Variants in STK39 observed in about 807,000 individuals in gnomAD.
STK39 encodes STE20/SPS1-related proline-alanine-rich protein kinase.
In STK39, 20 loss-of-function variants were observed where a neutral mutation model predicts 77.8. That is an observed-to-expected ratio of 0.26 (90% CI 0.18 to 0.37). The LOEUF is 0.37. Among genes scored for constraint, STK39 ranks in the 10% least tolerant of loss-of-function variants. STK39 has a pLI of 1.00. For synonymous variants in STK39, 246 were observed against 234.1 expected, an observed-to-expected ratio of 1.05 and a Z score of -0.47; for missense variants, 479 against 656.5, an observed-to-expected ratio of 0.73 and a Z score of 2.95.
intron 17 of STK39, among the ~76,000 whole-genome samples, chr2:167,960,391 T>A (rs1194956206): frequency 1.3e-5 from 2 of 151,688 alleles, no homozygotes; most frequent in Non-Finnish European, 2.9e-5. Flanking sequence ...CATTTCTTTA[T>A]GAGGCCTCTC....
chr2:168,191,555 T>G (rs921996881), intron 1 of STK39, among the ~76,000 whole-genome samples: 2 of 152,156 alleles, frequency 1.3e-5, no homozygotes, highest in African/African-American at 4.8e-5. Context: ...AAAAGCAGAT[T>G]CTTAACCCTA....
intron 8 of STK39, among the ~76,000 whole-genome samples, chr2:168,130,638 T>C (rs1380176787): frequency 6.6e-6 from 1 of 152,232 alleles, no homozygotes; most frequent in African/African-American, 2.4e-5. Flanking sequence ...TTTATGAATA[T>C]CCTGTTCCTG....
chr2:168,017,400 T>TTG (rs1273736190), intron 14 of STK39, among the ~76,000 whole-genome samples: 1 of 104,642 alleles, frequency 9.6e-6, no homozygotes, highest in Non-Finnish European at 2.2e-5. Flanking sequence ...TTTTTTTTTT[T>TTG]TGAGACAGAG....
intron 8 of STK39, among the ~76,000 whole-genome samples, chr2:168,135,841 A>G (rs1341720880): frequency 3.3e-5 from 5 of 152,234 alleles, no homozygotes; most frequent in Non-Finnish European, 5.9e-5. Flanking sequence ...CACAATAGTG[A>G]GAACAAATTA....
rs576015451 is a variant in STK39 at position 168,236,281 on chromosome 2, C to T, written c.208+10947G>A. Among the ~76,000 whole-genome samples, 106 of 152,262 alleles carry T rather than the reference C, an allele frequency of 7.0e-4. No homozygotes were observed. In the South Asian group the frequency reaches 0.011, roughly 16 times the overall value. On this transcript the variant is annotated intron_variant, in intron 1 of 17. Transcript: ENST00000355999. ...TTGAGAAGTGTCTGTTCATATCCTT[C>T]GCCCACTTTTTGATGGGGTTGTTTT...
chr2:168,244,773 G>A (rs1017895329), intron 1 of STK39, among the ~76,000 whole-genome samples: 30 of 152,324 alleles, frequency 2.0e-4, no homozygotes, highest in Admixed American at 1.7e-3. Flanking sequence ...GGGAAAATAT[G>A]AGATAAACTT....
intron 14 of STK39, among the ~76,000 whole-genome samples, chr2:168,039,662 A>C (rs1685053727): frequency 6.6e-6 from 1 of 152,064 alleles, no homozygotes; most frequent in South Asian, 2.1e-4. Context: ...GGAGGGAGGA[A>C]TGGATTGCAA....
intron 8 of STK39, among the ~76,000 whole-genome samples, chr2:168,133,740 C>G (rs1687760080): frequency 6.6e-6 from 1 of 151,996 alleles, no homozygotes; most frequent in African/African-American, 2.4e-5. Context: ...CACCTGTAAT[C>G]CCAGCTACTC....
At chr2:168,214,569 G>T (rs1003087932) in intron 1 of STK39, among the ~76,000 whole-genome samples, 1 of 152,160 alleles carries the variant, frequency 6.6e-6, no homozygotes, top group African/African-American at 2.4e-5. Flanking sequence ...GTTAAACAAC[G>T]TCGTGAATGT....
intron 16 of STK39, among the ~76,000 whole-genome samples, chr2:167,982,023 C>T (rs896717834): frequency 6.6e-6 from 1 of 152,110 alleles, no homozygotes; most frequent in Non-Finnish European, 1.5e-5. Flanking sequence ...GAGCTGAGAC[C>T]CACTAGGCAG....
chr2:168,036,022 G>A (rs908720809), intron 14 of STK39, among the ~76,000 whole-genome samples: 9 of 152,124 alleles, frequency 5.9e-5, no homozygotes, highest in South Asian at 2.1e-4. Context: ...ATAACACAGC[G>A]AATACGTGAG....
intron 16 of STK39, among the ~76,000 whole-genome samples, chr2:167,975,996 C>T (rs1683267384): frequency 6.6e-6 from 1 of 152,132 alleles, no homozygotes. Context: ...ACTCTATCTG[C>T]CAAATTCTGC....
chr2:168,011,895 C>A (rs1013890045), intron 16 of STK39, among the ~76,000 whole-genome samples: 2 of 152,108 alleles, frequency 1.3e-5, no homozygotes, highest in Non-Finnish European at 2.9e-5. Flanking sequence ...AAGTTCCCAT[C>A]CAAACCTGAG....
intron 15 of STK39, among the ~76,000 whole-genome samples, chr2:168,015,789 C>T (rs962869759): frequency 1.3e-5 from 2 of 152,112 alleles, no homozygotes; most frequent in African/African-American, 4.8e-5. Flanking sequence ...ATGGCCTGGT[C>T]AATATTTTTA....
At position 168,160,684 on chromosome 2, in the gene STK39, G is replaced by A. The variant is rs140603693; in HGVS notation, c.628+1103C>T. ...GTACAGCTACTAAGTGGTGGCCTCA[G>A]AATTTCGATCAAGTCAGCTGACACC... On this transcript the variant is annotated intron_variant, in intron 5 of 17. Transcript: ENST00000355999. Among the ~76,000 whole-genome samples, 910 of 152,270 alleles carry A rather than the reference G, an allele frequency of 6.0e-3. 7 individuals are homozygous for A. The highest frequency in any genetic ancestry group is 0.02 in the African/African-American group (835 of 41,564).
chr2:168,207,704 T>A (rs1328617028), intron 1 of STK39, among the ~76,000 whole-genome samples: 1 of 152,242 alleles, frequency 6.6e-6, no homozygotes, highest in African/African-American at 2.4e-5. Flanking sequence ...ATGATGCTAA[T>A]GGTTAACTAA....
At chr2:167,965,392 G>A (rs955405690) in intron 16 of STK39, among the ~76,000 whole-genome samples, 1 of 152,190 alleles carries the variant, frequency 6.6e-6, no homozygotes, top group Non-Finnish European at 1.5e-5. Flanking sequence ...TTGGAGCTCA[G>A]TGCTGCAGAT....
chr2:168,242,560 A>AATATATATATATAT (rs59941306), intron 1 of STK39, among the ~76,000 whole-genome samples: 2 of 44,856 alleles, frequency 4.5e-5, no homozygotes, highest in East Asian at 5.2e-4. Context: ...AAAAAAAAAA[A>AATATATATATATAT]ATATATATAT....
At chr2:168,118,845 C>T (rs534419120) in intron 10 of STK39, among the ~76,000 whole-genome samples, 1 of 152,156 alleles carries the variant, frequency 6.6e-6, no homozygotes, top group African/African-American at 2.4e-5. Context: ...TCTAATAGCA[C>T]CCCCTAGTGA....
Sources: gnomAD v4.1 joint callset for allele counts (sites outside exome capture counted in the v4.1 genomes callset) on GRCh38, gnomAD v4.1.1 for gene constraint, MANE v1.5 for transcripts, NCBI Gene and HGNC (gene_info 2026-07-23, HGNC 2026-07-21) for gene names.